Variants in ITGA9 observed in about 807,000 individuals in gnomAD.
ITGA9 encodes integrin subunit alpha 9.
ITGA9 carries 56 observed loss-of-function variants against 127.8 expected under a neutral mutation model. The observed-to-expected ratio is 0.44, with a 90% CI of 0.35 to 0.55. ITGA9 has a LOEUF of 0.55. Ranked by LOEUF, ITGA9 falls within the 20% of genes least tolerant of loss-of-function variation. The probability of loss-of-function intolerance (pLI) is 0.00; values close to 1 mark genes in which losing one functional copy is unlikely to be tolerated. For synonymous variants in ITGA9, 508 were observed against 514.5 expected, an observed-to-expected ratio of 0.99 and a Z score of 0.17; for missense variants, 1,196 against 1,347.1, an observed-to-expected ratio of 0.89 and a Z score of 1.76.
In ITGA9 at chr3:37,793,407, C is replaced by T. The variant is rs1020439730; in HGVS notation, c.2889+8329C>T. Among the ~76,000 whole-genome samples, 695 of 150,766 alleles carry T rather than the reference C, an allele frequency of 4.6e-3. 7 individuals are homozygous for T. The highest frequency in any genetic ancestry group is 0.016 in the African/African-American group (665 of 41,016). ...ACAGGTCAACACACACACACACACA[C>T]ACACACACACACACACACACACACA... On this transcript the variant is annotated intron_variant, in intron 26 of 27. Coordinates refer to ENST00000264741, the MANE Select transcript of ITGA9 (RefSeq NM_002207.3).
intron 15 of ITGA9, among the ~76,000 whole-genome samples, chr3:37,545,270 T>C (rs561688204): frequency 3.5e-4 from 53 of 152,224 alleles, no homozygotes; most frequent in African/African-American, 1.3e-3. Context: ...ACACACCATA[T>C]GGCTAGCAGA....
At chr3:37,467,302 G>A (rs1579043805) in intron 1 of ITGA9, among the ~76,000 whole-genome samples, 1 of 152,212 alleles carries the variant, frequency 6.6e-6, no homozygotes, top group Non-Finnish European at 1.5e-5. Flanking sequence ...TGAACTGAAA[G>A]GTTGTTATCA....
At chr3:37,658,608 C>T (rs139457081) in intron 17 of ITGA9, among the ~76,000 whole-genome samples, 201 of 152,296 alleles carry the variant, frequency 1.3e-3, no homozygotes, top group Non-Finnish European at 2.5e-3. Flanking sequence ...CTCCTGAATA[C>T]AGCACACTGA....
intron 1 of ITGA9, among the ~76,000 whole-genome samples, chr3:37,470,796 A>T (rs953104613): frequency 3.9e-5 from 6 of 152,116 alleles, no homozygotes; most frequent in African/African-American, 7.2e-5. Flanking sequence ...GAGCCACCAC[A>T]TTCAGCCTCC....
chr3:37,518,882 T>C (rs1699015239), intron 10 of ITGA9, among the ~76,000 whole-genome samples: 1 of 149,430 alleles, frequency 6.7e-6, no homozygotes, highest in Non-Finnish European at 1.5e-5. Context: ...CTTCCCGGGT[T>C]CAAGTGATTC....
intron 18 of ITGA9, among the ~76,000 whole-genome samples, chr3:37,689,334 T>G (rs2125666281): frequency 6.6e-6 from 1 of 152,372 alleles, no homozygotes; most frequent in South Asian, 2.1e-4. Flanking sequence ...GACCATCTGC[T>G]GGCTTTTTTC....
chr3:37,674,837 G>A (rs1044483412), intron 17 of ITGA9, among the ~76,000 whole-genome samples: 1 of 152,208 alleles, frequency 6.6e-6, no homozygotes, highest in African/African-American at 2.4e-5. Flanking sequence ...CACCTGGGAT[G>A]TCTCCTTGTG....
At chr3:37,582,167 C>G (rs1028251050) in intron 15 of ITGA9, among the ~76,000 whole-genome samples, 3 of 152,132 alleles carry the variant, frequency 2.0e-5, no homozygotes, top group Admixed American at 2.0e-4. Context: ...GTGGTGATTT[C>G]ATACTCATGA....
Position 37,741,775 on chromosome 3 carries a change from G to A in ITGA9, c.2280G>A (p.Val760=). 3 of 1,613,904 alleles carry A rather than the reference G, an allele frequency of 1.9e-6. No individual in the cohort carries two copies. The highest frequency in any genetic ancestry group is 2.5e-6 in the Non-Finnish European group (3 of 1,179,914). The change falls in exon 21 of 28, where the codon GTG becomes GTA. Residue 760 remains valine (V), a synonymous_variant. Transcript: ENST00000264741. The part of the protein sequence containing the change: ...RSESLHDNTL[V]LMVPLMHEVD... ...AATCCCTGCATGACAACACCCTCGT[G>A]CTGATGGTGCCACTGATGCACGAGG...
intron 15 of ITGA9, among the ~76,000 whole-genome samples, chr3:37,615,283 T>A (rs919204588): frequency 6.6e-6 from 1 of 152,236 alleles, no homozygotes; most frequent in African/African-American, 2.4e-5. Flanking sequence ...GATTTGCGTA[T>A]GTTGAACCAG....
At chr3:37,571,444 G>T (rs1575153921) in intron 15 of ITGA9, among the ~76,000 whole-genome samples, 1 of 152,218 alleles carries the variant, frequency 6.6e-6, no homozygotes, top group Admixed American at 6.5e-5. Flanking sequence ...ACATTAGCTG[G>T]AAGTGGGGCT....
chr3:37,639,329 C>T (rs1228748692), intron 16 of ITGA9, among the ~76,000 whole-genome samples: 1 of 152,112 alleles, frequency 6.6e-6, no homozygotes, highest in Non-Finnish European at 1.5e-5. Flanking sequence ...CACAGACAGT[C>T]CAGGAATAAT....
chr3:37,815,902 C>G (rs939540434), intron 27 of ITGA9, among the ~76,000 whole-genome samples: 1 of 152,048 alleles, frequency 6.6e-6, no homozygotes, highest in African/African-American at 2.4e-5. Flanking sequence ...TGGGAGTTGG[C>G]TAGTCTGGGA....
intron 17 of ITGA9, among the ~76,000 whole-genome samples, chr3:37,673,713 A>G (rs1700657806): frequency 6.6e-6 from 1 of 152,128 alleles, no homozygotes; most frequent in South Asian, 2.1e-4. Flanking sequence ...ACTACCTGGC[A>G]TGGGTTCTGC....
chr3:37,606,260 T>C (rs546523098), intron 15 of ITGA9, among the ~76,000 whole-genome samples: 2 of 152,284 alleles, frequency 1.3e-5, no homozygotes, highest in South Asian at 4.1e-4. Flanking sequence ...TTTGCTGCCC[T>C]GTCATCCAAG....
intron 15 of ITGA9, among the ~76,000 whole-genome samples, chr3:37,602,718 C>T (rs543530655): frequency 1.3e-4 from 20 of 152,120 alleles, no homozygotes; most frequent in African/African-American, 4.8e-4. Context: ...TTTTGTATTA[C>T]CAAGACCTTG....
chr3:37,600,438 T>A (rs1699911787), intron 15 of ITGA9, among the ~76,000 whole-genome samples: 1 of 152,118 alleles, frequency 6.6e-6, no homozygotes, highest in Non-Finnish European at 1.5e-5. Context: ...CGAGCCAAGG[T>A]GGCCTCTTCC....
intron 17 of ITGA9, among the ~76,000 whole-genome samples, chr3:37,668,485 C>T (rs923519003): frequency 2.6e-5 from 4 of 152,164 alleles, no homozygotes; most frequent in African/African-American, 7.2e-5. Flanking sequence ...AATGTAGCCC[C>T]GAATCCCTCC....
At chr3:37,656,099 T>C (rs1051230713) in intron 17 of ITGA9, among the ~76,000 whole-genome samples, 1 of 152,230 alleles carries the variant, frequency 6.6e-6, no homozygotes, top group Non-Finnish European at 1.5e-5. Flanking sequence ...ACTGTGGCCT[T>C]GTAGTATAGT....
Sources: allele counts gnomAD v4.1 joint callset (sites outside exome capture counted in the v4.1 genomes callset), GRCh38; gene constraint gnomAD v4.1.1; transcripts MANE v1.5; gene names NCBI Gene and HGNC (gene_info 2026-07-23, HGNC 2026-07-21).